The following DCHS2 variants were observed in gnomAD, a reference collection of about 807,000 sequenced individuals.
The protein encoded by DCHS2 is protocadherin-23.
In DCHS2, 142 loss-of-function variants were observed where a neutral mutation model predicts 182.4. That is an observed-to-expected ratio of 0.78 (90% confidence interval 0.68 to 0.89). The LOEUF is 0.89. Among genes scored for constraint, DCHS2 ranks in the 40% least tolerant of loss-of-function variants. DCHS2 has a pLI of 0.00. For missense variants in DCHS2, 4,319 were observed against 4,198.6 expected (o/e 1.03, Z -0.79); for synonymous variants, 1,740 against 1,663.3 (o/e 1.05, Z -1.12).
At chr4:154,419,863 A>C (rs1447254071) in intron 1 of DCHS2, among the ~76,000 whole-genome samples, 3 of 150,596 alleles carry the variant, frequency 2.0e-5, no homozygotes, top group Non-Finnish European at 4.4e-5. Context: ...TGAGTGGACA[A>C]GGATTGGGGC....
Position 154,298,418 on chromosome 4 carries a change from C to T in DCHS2, c.5896G>A (p.Gly1966Arg). ...SAVDKDEGLN[G>R]QTEYFLTDEA... is the part of the protein sequence containing the mutation. ...TCAGTCAGAAAATACTCAGTTTGCC[C>T]ATTCAGGCCTTCATCCTTGTCCACA... Residue 1966 changes from glycine (G) to arginine (R), a missense_variant, in exon 13 of 20, where the codon GGG becomes AGG. Transcript: ENST00000357232. 3.7e-6 allele frequency: 6 copies of T among 1,614,154 alleles called. No homozygotes were observed. In the Admixed American group the frequency reaches 8.3e-5, roughly 22 times the overall value.
At chr4:154,400,290 G>C (rs1043678594) in intron 1 of DCHS2, among the ~76,000 whole-genome samples, 7 of 80,166 alleles carry the variant, frequency 8.7e-5, no homozygotes, top group African/African-American at 2.1e-4. Context: ...GCAACAGAGC[G>C]AGACTTCGTC....
chr4:154,239,081 C>A, intron 19 of DCHS2, 89 bp downstream of exon 19: 1 of 1,498,416 alleles, frequency 6.7e-7, no homozygotes, highest in Non-Finnish European at 8.9e-7. Flanking sequence ...AGGTGGGGAA[C>A]TTTTATAGAG....
rs769625441 is a variant in DCHS2, at chr4:154,335,077, C to T, written c.2504G>A (p.Ser835Asn). 13 of 1,611,732 alleles carry T rather than the reference C, an allele frequency of 8.1e-6. No individual in the cohort carries two copies. Among genetic ancestry groups the T allele is most frequent in the Admixed American group, 5.0e-5 (3 of 59,992 alleles). ...TGIIYLTLPL[S>N]HLESTTLSLM... ...CGAAAGTGTGGTAGATTCCAAATGA[C>T]TAAGAGGTAATGTTAAGTAAATAAT... Residue 835 changes from serine to asparagine, a missense_variant, in exon 4 of 20, where the codon AGT becomes AAT. By Grantham distance (46) the Ser-to-Asn change is conservative. Transcript: ENST00000357232.
intron 9 of DCHS2, 66 bp from the exon 10 acceptor site, chr4:154,316,053 A>G (rs1050023811): frequency 2.4e-5 from 38 of 1,581,886 alleles, no homozygotes. Flanking sequence ...TGCTTACTCC[A>G]CTTATATCTA....
At chr4:154,475,160 A>G (rs1735634248) in intron 1 of DCHS2, among the ~76,000 whole-genome samples, 1 of 152,170 alleles carries the variant, frequency 6.6e-6, no homozygotes, top group Non-Finnish European at 1.5e-5. Context: ...TTTTTTATAC[A>G]TATCAAAGAA....
intron 1 of DCHS2, among the ~76,000 whole-genome samples, chr4:154,420,987 A>G (rs1005694323): frequency 6.6e-5 from 10 of 152,324 alleles, no homozygotes; most frequent in Middle Eastern, 3.4e-3. Flanking sequence ...ACTACTGCAT[A>G]TAATATATAC....
intron 1 of DCHS2, among the ~76,000 whole-genome samples, chr4:154,417,562 A>T (rs1732924038): frequency 6.6e-6 from 1 of 152,222 alleles, no homozygotes; most frequent in Non-Finnish European, 1.5e-5. Flanking sequence ...GAGCTGTTTC[A>T]GAAATCAAAT....
intron 1 of DCHS2, among the ~76,000 whole-genome samples, chr4:154,414,129 G>A (rs187863519): frequency 4.0e-5 from 6 of 151,800 alleles, no homozygotes; most frequent in Admixed American, 3.9e-4. Flanking sequence ...GGCAGATAGA[G>A]GGCAAACAGT....
chr4:154,384,323 C>T (rs1731303246), intron 1 of DCHS2: 25 of 1,590,056 alleles, frequency 1.6e-5, no homozygotes, highest in Non-Finnish European at 1.9e-5. Flanking sequence ...TCATCAGACA[C>T]CATGTTATGG....
intron 16 of DCHS2, among the ~76,000 whole-genome samples, chr4:154,251,739 A>G (rs4696541): frequency 0.92 from 140,127 of 152,060 alleles, 64,813 homozygotes; most frequent in East Asian, 1. Context: ...GGCTGGTCTC[A>G]AACGCCTGAC....
intron 13 of DCHS2, among the ~76,000 whole-genome samples, chr4:154,287,040 A>C (rs891512288): frequency 6.6e-6 from 1 of 152,184 alleles, no homozygotes; most frequent in Non-Finnish European, 1.5e-5. Flanking sequence ...AGGAAAAGAG[A>C]GGGTGGCATG....
Position 154,298,039 on chromosome 4 carries a change from T to G in DCHS2, c.6275A>C (p.Glu2092Ala), listed in dbSNP as rs1735020769. Residue 2092 changes from glutamate (E) to alanine (A), a missense_variant, in exon 13 of 20, where the codon GAA (glutamate) becomes GCA (alanine). Transcript: ENST00000357232. Reference sequence around the variant, plus strand: ...AGATGGATTTTGCTGAAATTGAATTTCTCCTGTGTATTTATCAATAGAAAA... The same window carrying G: ...AGATGGATTTTGCTGAAATTGAATTGCTCCTGTGTATTTATCAATAGAAAA... ...SMFSIDKYTG[E>A]IQFQQNPSSE... The G allele has an allele frequency of 6.2e-7, 1 of 1,613,980 alleles. No individual in the cohort carries two copies. The highest frequency in any genetic ancestry group is 1.3e-5 in the African/African-American group (1 of 74,922).
intron 3 of DCHS2, among the ~76,000 whole-genome samples, chr4:154,341,394 TTTTCAAGTA>T (rs1478024897): frequency 2.0e-5 from 3 of 149,218 alleles, no homozygotes; most frequent in Non-Finnish European, 4.4e-5. Flanking sequence ...AAAGAGAACG[TTTTCAAGTA>T]TTTCAAAACA....
chr4:154,392,383 C>T (rs1214852651), intron 1 of DCHS2, among the ~76,000 whole-genome samples: 2 of 152,070 alleles, frequency 1.3e-5, no homozygotes, highest in Non-Finnish European at 2.9e-5. Flanking sequence ...CAGATATAAA[C>T]ATGAACAGGT....
chr4:154,489,793 C>T lies in DCHS2; in HGVS notation c.1563G>A (p.Thr521=). The change falls in exon 1 of 20, where the codon ACG becomes ACA. Residue 521 remains threonine (T), a synonymous_variant. Transcript: ENST00000357232. ...ATDAGSPPLS[T]EETLLLRVAD... is the part of the protein sequence containing the mutation. ...CGACCCGGAGTAGCAGCGTCTCCTCCGTGCTCAGCGGCGGGGACCCCGCGT... is the reference window on the plus strand; with the variant it reads ...CGACCCGGAGTAGCAGCGTCTCCTCTGTGCTCAGCGGCGGGGACCCCGCGT... 1.3e-6 allele frequency: 2 copies of T among 1,551,598 alleles called. No homozygotes were observed. The highest frequency in any genetic ancestry group is 1.2e-5 in the South Asian group (1 of 84,056).
intron 1 of DCHS2, chr4:154,486,424 G>T (rs1390961339): frequency 7.7e-7 from 1 of 1,304,338 alleles, no homozygotes. Flanking sequence ...AGATGACATG[G>T]TATTATCTTA....
intron 16 of DCHS2, among the ~76,000 whole-genome samples, chr4:154,254,128 G>A (rs1015637121): frequency 6.6e-6 from 1 of 152,132 alleles, no homozygotes; most frequent in African/African-American, 2.4e-5. Context: ...AGGTGCTTGC[G>A]AGGATTAAAT....
At chr4:154,243,903 C>T (rs1456236010) in intron 16 of DCHS2, among the ~76,000 whole-genome samples, 1 of 152,158 alleles carries the variant, frequency 6.6e-6, no homozygotes, top group Non-Finnish European at 1.5e-5. Context: ...AATTTGAAAA[C>T]CTGACCTCCC....
Sources: gnomAD v4.1 joint callset for allele counts (sites outside exome capture counted in the v4.1 genomes callset) on GRCh38, gnomAD v4.1.1 for gene constraint, MANE v1.5 for transcripts, NCBI Gene and HGNC (gene_info 2026-07-23, HGNC 2026-07-21) for gene names.